Variants in FANCM observed in about 807,000 individuals in gnomAD.
FANCM encodes FA complementation group M.
Under a neutral mutation model 199.5 loss-of-function variants are expected in FANCM, and 140 were observed. That is an observed-to-expected ratio of 0.70 (90% CI 0.61 to 0.81). The LOEUF (loss-of-function observed/expected upper bound fraction) is 0.81. Ranked by LOEUF, FANCM falls within the 30% of genes least tolerant of loss-of-function variation. FANCM has a pLI of 0.00. For missense variants in FANCM, 2,410 were observed against 2,421.4 expected (o/e 1.00, Z 0.10); for synonymous variants, 840 against 836.8 (o/e 1.00, Z -0.07).
intron 9 of FANCM, 116 bp from the exon 10 acceptor site, chr14:45,164,243 T>G: frequency 1.2e-6 from 1 of 866,360 alleles, no homozygotes; most frequent in Non-Finnish European, 1.9e-6. Flanking sequence ...TGGCCAGCCT[T>G]GAGGCTGATT....
chr14:45,156,626 A>G (rs1887207268), intron 8 of FANCM, among the ~76,000 whole-genome samples: 1 of 152,102 alleles, frequency 6.6e-6, no homozygotes, highest in Admixed American at 6.6e-5. Context: ...ATGGTATAAG[A>G]AAAAGGGAAT....
In FANCM at chr14:45,187,884, G is replaced by A. The variant is rs964884247; in HGVS notation, c.4776G>A (p.Ser1592=). ...CACATAAAAACATAAACATTTTCTC[G>A]CAGGTATGAACTATAGAAATATAAT... ...HKTHKNINIF[S]QIPEQDETYL... The change falls in exon 19 of 23, where the codon TCG becomes TCA. Residue 1592 remains serine, a synonymous_variant. Coordinates refer to ENST00000267430, the MANE Select transcript of FANCM (RefSeq NM_020937.4). 5.0e-5 allele frequency: 70 copies of A among 1,393,414 alleles called. No homozygotes were observed. Among genetic ancestry groups the A allele is most frequent in the African/African-American group, 7.1e-5 (5 of 70,460 alleles). The allele number at this position is 1,393,414 out of a possible 1,614,324, so 86.3% of individuals were successfully genotyped here. A position where few individuals can be genotyped will look rare whatever the true frequency, so the allele number is the denominator to read the frequency against.
At chr14:45,182,153 C>T (rs1264248945) in intron 16 of FANCM, among the ~76,000 whole-genome samples, 2 of 152,054 alleles carry the variant, frequency 1.3e-5, no homozygotes, top group Non-Finnish European at 2.9e-5. Context: ...ACCTCGATCT[C>T]GGGAGTTCTG....
At chr14:45,145,066 G>A (rs1009295324) in intron 3 of FANCM, among the ~76,000 whole-genome samples, 2 of 151,982 alleles carry the variant, frequency 1.3e-5, no homozygotes, top group African/African-American at 4.8e-5. Context: ...TGCCAGGACT[G>A]TGTTCTTCCC....
chr14:45,153,861 A>C, intron 5 of FANCM, 59 bp from the exon 6 acceptor site: 1 of 1,382,264 alleles, frequency 7.2e-7, no homozygotes, highest in Non-Finnish European at 1.0e-6. Flanking sequence ...CAACTTGGGC[A>C]TGGAGCATGT....
intron 17 of FANCM, 99 bp downstream of exon 17, chr14:45,184,001 G>A: frequency 1.1e-6 from 1 of 877,092 alleles, no homozygotes; most frequent in Non-Finnish European, 1.7e-6. Flanking sequence ...TCTCTTTATA[G>A]AAAAAAATTA....
chr14:45,144,037 C>CT (rs530135793), intron 3 of FANCM, among the ~76,000 whole-genome samples: 76 of 146,932 alleles, frequency 5.2e-4, no homozygotes, highest in African/African-American at 1.2e-3. Context: ...CCTTTTAAAA[C>CT]TTTTTTTTTT....
At chr14:45,189,892 C>G (rs928856918) in intron 20 of FANCM, among the ~76,000 whole-genome samples, 1 of 150,732 alleles carries the variant, frequency 6.6e-6, no homozygotes, top group South Asian at 2.1e-4. Context: ...CGCTTAAATC[C>G]GGGAGGCAGA....
At chr14:45,160,793 G>C (rs940945633) in intron 9 of FANCM, among the ~76,000 whole-genome samples, 2 of 151,748 alleles carry the variant, frequency 1.3e-5, no homozygotes, top group Non-Finnish European at 2.9e-5. Context: ...CGCCCGCCTC[G>C]GCCTCCCAAA....
chr14:45,181,723 A>AG lies in FANCM; in HGVS notation c.4386+18_4386+19insG. The AG allele has an allele frequency of 1.3e-6, 2 of 1,487,872 alleles. No homozygotes were observed. Among genetic ancestry groups the AG allele is most frequent in the Non-Finnish European group, 1.9e-6 (2 of 1,067,410 alleles). The allele number at this position is 1,487,872 out of a possible 1,614,324, so 92.2% of individuals were successfully genotyped here. ...TAAACAGAGTAAGTAAATACCAGGT[A>AG]ATGTATAGTAATCCAAATTCCTTTG... On this transcript the variant is annotated intron_variant, in intron 16 of 22. Coordinates refer to ENST00000267430, the MANE Select transcript of FANCM (RefSeq NM_020937.4).
chr14:45,195,873 T>C (rs539254440), intron 20 of FANCM, among the ~76,000 whole-genome samples: 1 of 152,292 alleles, frequency 6.6e-6, no homozygotes, highest in African/African-American at 2.4e-5. Flanking sequence ...TTGTTTTTTT[T>C]CTCTAGGCTA....
chr14:45,136,624 C>T, intron 1 of FANCM, 85 bp downstream of exon 1: 1 of 1,284,748 alleles, frequency 7.8e-7, no homozygotes, highest in Non-Finnish European at 1.1e-6. Flanking sequence ...ACATGTGCAT[C>T]TTACGCCCTC....
chr14:45,141,743 C>G (rs539116851), intron 3 of FANCM, among the ~76,000 whole-genome samples: 2 of 151,848 alleles, frequency 1.3e-5, no homozygotes, highest in Non-Finnish European at 2.9e-5. Context: ...GCGTCCATCA[C>G]CACGCCTGGC....
intron 12 of FANCM, among the ~76,000 whole-genome samples, chr14:45,171,841 T>C (rs564568463): frequency 2.6e-5 from 4 of 152,236 alleles, no homozygotes; most frequent in East Asian, 3.9e-4. Flanking sequence ...ATCTTTTTCA[T>C]ATAATGACTT....
Position 45,189,258 on chromosome 14 carries a change from T to G in FANCM, c.5236T>G (p.Ser1746Ala). The change falls in exon 20 of 23, where the codon TCA becomes GCA. Residue 1746 changes from serine (S) to alanine (A), a missense_variant. Coordinates refer to ENST00000267430, the MANE Select transcript of FANCM (RefSeq NM_020937.4). ...LNLKDTISEVSDFKPQNHNEV... is the reference protein window; with the variant it reads ...LNLKDTISEVADFKPQNHNEV... ...TTTAAAGGATACAATTTCCGAAGTCTCAGACTTCAAACCTCAGAATCATAA... is the reference window on the plus strand; with the variant it reads ...TTTAAAGGATACAATTTCCGAAGTCGCAGACTTCAAACCTCAGAATCATAA... 6.2e-7 allele frequency: 1 copy of G among 1,614,014 alleles called. No homozygotes were observed. The highest frequency in any genetic ancestry group is 8.5e-7 in the Non-Finnish European group (1 of 1,179,908).
At chr14:45,145,131 G>C (rs1385838993) in intron 3 of FANCM, among the ~76,000 whole-genome samples, 1 of 151,846 alleles carries the variant, frequency 6.6e-6, no homozygotes, top group African/African-American at 2.4e-5. Context: ...AGTTGTCAGG[G>C]AGCTAGGGTC....
chr14:45,188,038 A>T (rs1889515364), intron 19 of FANCM, 151 bp downstream of exon 19: 2 of 638,736 alleles, frequency 3.1e-6, no homozygotes, highest in Admixed American at 5.0e-5. Context: ...GACTAAATGG[A>T]TTCTCAAGAT....
chr14:45,190,560 C>T (rs1186003809), intron 20 of FANCM, among the ~76,000 whole-genome samples: 1 of 152,078 alleles, frequency 6.6e-6, no homozygotes, highest in Non-Finnish European at 1.5e-5. Context: ...TTGACCAACA[C>T]CCTCCGCCCC....
chr14:45,181,478 G>T lies in FANCM; in HGVS notation c.4271G>T (p.Arg1424Leu). 6.2e-7 allele frequency: 1 copy of T among 1,608,544 alleles called. No homozygotes were observed. Among genetic ancestry groups the T allele is most frequent in the East Asian group, 2.2e-5 (1 of 44,716 alleles). Reference sequence around the variant, plus strand: ...GAAAGTGAAGATGACGAGATTTTCCGAAGAAAAGTTAAAAGAGCAAAAGGA... The same window carrying T: ...GAAAGTGAAGATGACGAGATTTTCCTAAGAAAAGTTAAAAGAGCAAAAGGA... ...SNESEDDEIF[R>L]RKVKRAKGNV... Residue 1424 changes from arginine to leucine, a missense_variant, in exon 15 of 23, where the codon CGA becomes CTA. Arg to Leu is a moderately radical substitution (Grantham distance 102). Coordinates refer to ENST00000267430, the MANE Select transcript of FANCM (RefSeq NM_020937.4).
Sources: allele counts gnomAD v4.1 joint callset (sites outside exome capture counted in the v4.1 genomes callset), GRCh38; gene constraint gnomAD v4.1.1; transcripts MANE v1.5; gene names NCBI Gene and HGNC (gene_info 2026-07-23, HGNC 2026-07-21).